CNTNAP2: variants seen among roughly 807,000 people sequenced by gnomAD.
CNTNAP2 encodes the protein contactin associated protein 2.
In CNTNAP2, 98 loss-of-function variants were observed where a neutral mutation model predicts 155.2. The ratio of observed to expected loss-of-function variants is 0.63; its 90% confidence interval spans 0.54 to 0.75. The LOEUF (loss-of-function observed/expected upper bound fraction) is 0.75, where lower values mean the gene tolerates loss of function less well. Ranked by LOEUF, CNTNAP2 falls within the 30% of genes least tolerant of loss-of-function variation. The pLI is 0.00. For synonymous variants in CNTNAP2, 651 were observed against 631.2 expected, an observed-to-expected ratio of 1.03 and a Z score of -0.47; for missense variants, 1,727 against 1,688.1, an observed-to-expected ratio of 1.02 and a Z score of -0.40.
chr7:146,313,708 T>G (rs908540252), intron 1 of CNTNAP2, among the ~76,000 whole-genome samples: 1 of 152,126 alleles, frequency 6.6e-6, no homozygotes, highest in Non-Finnish European at 1.5e-5. Flanking sequence ...AATTTTAAAT[T>G]GATATTTGGG....
chr7:146,938,120 G>A (rs1020411066), intron 3 of CNTNAP2, among the ~76,000 whole-genome samples: 2 of 152,068 alleles, frequency 1.3e-5, no homozygotes, highest in Non-Finnish European at 2.9e-5. Flanking sequence ...GTGAATTGAA[G>A]GGGTAAGATG....
intron 3 of CNTNAP2, among the ~76,000 whole-genome samples, chr7:147,027,539 T>C (rs1798946466): frequency 6.6e-6 from 1 of 152,250 alleles, no homozygotes; most frequent in Non-Finnish European, 1.5e-5. Flanking sequence ...TTTCAACTTA[T>C]TGAGTTGGCA....
chr7:147,797,968 A>G (rs904166670), intron 13 of CNTNAP2, among the ~76,000 whole-genome samples: 1 of 152,184 alleles, frequency 6.6e-6, no homozygotes, highest in African/African-American at 2.4e-5. Flanking sequence ...CTATGTTGCT[A>G]CTCTGAGTAC....
chr7:147,404,747 G>A (rs536522778), intron 10 of CNTNAP2, among the ~76,000 whole-genome samples: 1 of 152,184 alleles, frequency 6.6e-6, no homozygotes, highest in East Asian at 1.9e-4. Context: ...AAACATTTAA[G>A]CCATGGGCAT....
chr7:147,408,716 C>T (rs994328017), intron 10 of CNTNAP2, among the ~76,000 whole-genome samples: 4 of 152,116 alleles, frequency 2.6e-5, no homozygotes, highest in African/African-American at 9.7e-5. Flanking sequence ...GAAGATTGTG[C>T]CACTGCACTC....
rs533737429 is a variant in CNTNAP2, at chr7:148,416,806, G to A, written c.*1190G>A. 6.5e-4 allele frequency: 99 copies of A among 152,688 alleles called. No homozygotes were observed. Among genetic ancestry groups the A allele is most frequent in the African/African-American group, 2.2e-3 (93 of 41,526 alleles). 9.5% of individuals were successfully genotyped at this position (152,688 alleles called of 1,614,324 possible). Reference sequence around the variant, plus strand: ...GATTCAGGGATCTTTCTTCTAAGACGGACACATTTGAACCTCAGGTTCATC... The same window carrying A: ...GATTCAGGGATCTTTCTTCTAAGACAGACACATTTGAACCTCAGGTTCATC... On this transcript the variant is annotated 3_prime_UTR_variant, in exon 24 of 24. Coordinates refer to ENST00000361727, the MANE Select transcript of CNTNAP2 (RefSeq NM_014141.6).
At chr7:148,021,823 C>G (rs1039907681) in intron 15 of CNTNAP2, among the ~76,000 whole-genome samples, 1 of 152,182 alleles carries the variant, frequency 6.6e-6, no homozygotes, top group African/African-American at 2.4e-5. Flanking sequence ...GAGGATTGCT[C>G]CAAAGCTGTA....
At chr7:146,461,246 CA>C (rs200727378) in intron 1 of CNTNAP2, among the ~76,000 whole-genome samples, 2 of 150,034 alleles carry the variant, frequency 1.3e-5, no homozygotes, top group African/African-American at 2.4e-5. Context: ...ACTAAAAATA[CA>C]AAAAAAAATT....
At chr7:146,290,286 G>T (rs898105148) in intron 1 of CNTNAP2, among the ~76,000 whole-genome samples, 31 of 152,140 alleles carry the variant, frequency 2.0e-4, no homozygotes, top group African/African-American at 7.5e-4. Flanking sequence ...ATGTCATCCA[G>T]TTGAGTTCTC....
intron 1 of CNTNAP2, among the ~76,000 whole-genome samples, chr7:146,403,894 G>A (rs974379419): frequency 5.3e-5 from 8 of 152,076 alleles, no homozygotes; most frequent in Middle Eastern, 3.4e-3. Context: ...GGGAGGCCGA[G>A]GCGGGCGGAT....
intron 11 of CNTNAP2, among the ~76,000 whole-genome samples, chr7:147,498,763 A>G (rs1440987050): frequency 2.6e-5 from 4 of 152,116 alleles, no homozygotes. Flanking sequence ...TTGAATTAGG[A>G]TTTCAGTTCA....
chr7:146,801,317 A>G (rs1802873553), intron 2 of CNTNAP2, among the ~76,000 whole-genome samples: 1 of 152,198 alleles, frequency 6.6e-6, no homozygotes. Flanking sequence ...AACATCTCTC[A>G]CTAGACGTCT....
intron 20 of CNTNAP2, among the ~76,000 whole-genome samples, chr7:148,242,392 G>A (rs1796174237): frequency 6.6e-6 from 1 of 152,214 alleles, no homozygotes; most frequent in Non-Finnish European, 1.5e-5. Context: ...TCAGTCCTGG[G>A]ATTGAGTCTG....
In CNTNAP2 at chr7:147,870,482, C is replaced by T. The variant is rs373027759; in HGVS notation, c.2099-33083C>T. On this transcript the variant is annotated intron_variant, in intron 13 of 23. Transcript: ENST00000361727. ...AATTGATGTGGTGGTGGATCCCAAG[C>T]AGCTGACCATCTGTCATTCACACTC... Among the ~76,000 whole-genome samples the T allele has an allele frequency of 2.3e-4, 35 of 152,238 alleles. No individual in the cohort carries two copies. In the South Asian group the frequency reaches 6.4e-3, roughly 28 times the overall value.
intron 20 of CNTNAP2, among the ~76,000 whole-genome samples, chr7:148,237,957 C>T (rs1796072288): frequency 6.6e-6 from 1 of 152,210 alleles, no homozygotes; most frequent in Admixed American, 6.5e-5. Context: ...AAAGCCCTTT[C>T]TTACATATCG....
chr7:148,231,392 T>G (rs1359646469), intron 20 of CNTNAP2, among the ~76,000 whole-genome samples: 2 of 152,174 alleles, frequency 1.3e-5, no homozygotes, highest in East Asian at 1.9e-4. Context: ...GAAAAGCAAT[T>G]CAGAAGTAAT....
At chr7:146,953,450 TAC>T (rs1797364063) in intron 3 of CNTNAP2, among the ~76,000 whole-genome samples, 2 of 152,034 alleles carry the variant, frequency 1.3e-5, no homozygotes, top group African/African-American at 4.8e-5. Context: ...CATCTCGTTT[TAC>T]ATAAATTATT....
At chr7:147,918,680 A>G (rs1263022456) in intron 14 of CNTNAP2, among the ~76,000 whole-genome samples, 1 of 152,172 alleles carries the variant, frequency 6.6e-6, no homozygotes, top group Non-Finnish European at 1.5e-5. Context: ...TCAGGACTAG[A>G]GGAGGAAAAA....
At chr7:146,732,295 C>T (rs1283666065) in intron 1 of CNTNAP2, among the ~76,000 whole-genome samples, 1 of 152,136 alleles carries the variant, frequency 6.6e-6, no homozygotes, top group Non-Finnish European at 1.5e-5. Flanking sequence ...TTGCATTTCT[C>T]ATTTCCTAAA....
Sources: allele counts gnomAD v4.1 joint callset (sites outside exome capture counted in the v4.1 genomes callset), GRCh38; gene constraint gnomAD v4.1.1; transcripts MANE v1.5; gene names NCBI Gene and HGNC (gene_info 2026-07-23, HGNC 2026-07-21).